ITPR1: variants seen among roughly 807,000 people sequenced by gnomAD.
The protein encoded by ITPR1 is inositol 1,4,5-trisphosphate receptor type 1, also known as inositol 1,4,5-trisphosphate-gated calcium channel ITPR1.
A neutral mutation model predicts 318.4 loss-of-function variants in ITPR1; 96 were observed. That is an observed-to-expected ratio of 0.30 (90% confidence interval 0.26 to 0.36). ITPR1 has a LOEUF of 0.36. ITPR1 is among the 10% of genes least tolerant of loss of function. ITPR1 has a pLI of 1.00. For missense variants in ITPR1, 2,440 were observed against 3,460.2 expected, an observed-to-expected ratio of 0.71 and a Z score of 7.40; for synonymous variants, 1,312 against 1,289.9, an observed-to-expected ratio of 1.02 and a Z score of -0.37.
At chr3:4,655,192 G>A (rs2093678818) in intron 12 of ITPR1, among the ~76,000 whole-genome samples, 1 of 152,172 alleles carries the variant, frequency 6.6e-6, no homozygotes, top group African/African-American at 2.4e-5. Context: ...TTTATTTCAA[G>A]AGAAGGAGCT....
chr3:4,555,812 G>A (rs1234229931), intron 4 of ITPR1, among the ~76,000 whole-genome samples: 1 of 152,154 alleles, frequency 6.6e-6, no homozygotes, highest in Admixed American at 6.5e-5. Context: ...TCTAAATGCT[G>A]TACAAGTATT....
At chr3:4,832,083 C>T (rs2106534292) in intron 60 of ITPR1, among the ~76,000 whole-genome samples, 1 of 152,260 alleles carries the variant, frequency 6.6e-6, no homozygotes, top group African/African-American at 2.4e-5. Context: ...TTTCACAGCC[C>T]AGGATGATTA....
At chr3:4,718,374 C>T (rs2041919344) in intron 40 of ITPR1, among the ~76,000 whole-genome samples, 1 of 152,204 alleles carries the variant, frequency 6.6e-6, no homozygotes, top group African/African-American at 2.4e-5. Flanking sequence ...TGAGATAGAG[C>T]TACCAAATAG....
At chr3:4,822,484 G>A (rs968602138) in intron 60 of ITPR1, among the ~76,000 whole-genome samples, 4 of 152,204 alleles carry the variant, frequency 2.6e-5, no homozygotes, top group Admixed American at 2.6e-4. Context: ...GGGCATGGTT[G>A]ACGTTAGCGT....
intron 59 of ITPR1, among the ~76,000 whole-genome samples, chr3:4,817,241 G>T (rs1472019884): frequency 6.6e-6 from 1 of 152,212 alleles, no homozygotes; most frequent in Non-Finnish European, 1.5e-5. Flanking sequence ...CTGGAGAAAG[G>T]TATTTAGAAG....
chr3:4,734,838 T>C (rs2125320635), intron 43 of ITPR1, among the ~76,000 whole-genome samples: 1 of 152,378 alleles, frequency 6.6e-6, no homozygotes, highest in African/African-American at 2.4e-5. Flanking sequence ...AGTTCTGAAC[T>C]CTGCCACAAG....
intron 5 of ITPR1, among the ~76,000 whole-genome samples, chr3:4,634,820 C>A (rs530349232): frequency 6.6e-6 from 1 of 152,258 alleles, no homozygotes; most frequent in East Asian, 1.9e-4. Context: ...CTCACTGCAA[C>A]CTCCACCTCC....
intron 14 of ITPR1, 97 bp from the exon 15 acceptor site, chr3:4,661,985 C>A: frequency 9.5e-7 from 1 of 1,049,144 alleles, no homozygotes; most frequent in Non-Finnish European, 1.4e-6. Context: ...GCTCTAGTAT[C>A]TTGGGATCAG....
rs184957557 is a variant in ITPR1, at chr3:4,606,631, G to A, written c.164-21132G>A. Among the ~76,000 whole-genome samples, 14 of 152,162 alleles carry A rather than the reference G, an allele frequency of 9.2e-5. No individual in the cohort carries two copies. In the East Asian group the frequency reaches 1.7e-3, roughly 19 times the overall value. On this transcript the variant is annotated intron_variant, in intron 4 of 61. Transcript: ENST00000649015. ...TTGCAAGGGAAAAGGAGCAGGTAGC[G>A]GAATGTTAATTATGTATTCGTCTCA...
chr3:4,633,811 C>G (rs2093093284), intron 5 of ITPR1, among the ~76,000 whole-genome samples: 1 of 152,238 alleles, frequency 6.6e-6, no homozygotes, highest in Admixed American at 6.5e-5. Context: ...ACTTAAGTCA[C>G]AGCTTTGACC....
At chr3:4,748,462 A>G (rs1224003683) in intron 44 of ITPR1, among the ~76,000 whole-genome samples, 1 of 151,928 alleles carries the variant, frequency 6.6e-6, no homozygotes, top group Admixed American at 6.6e-5. Context: ...TTTAATAACA[A>G]TGCATGAGCT....
chr3:4,837,053 GC>G, intron 61 of ITPR1, 118 bp downstream of exon 61: 1 of 932,988 alleles, frequency 1.1e-6, no homozygotes, highest in Non-Finnish European at 1.5e-6. Context: ...GGAAAAGGGA[GC>G]CAGGCAACAG....
At chr3:4,732,013 A>G (rs542597042) in intron 42 of ITPR1, among the ~76,000 whole-genome samples, 8 of 152,250 alleles carry the variant, frequency 5.3e-5, no homozygotes, top group Non-Finnish European at 1.0e-4. Flanking sequence ...TACCAGAGGA[A>G]CTCCGTGACT....
intron 18 of ITPR1, 115 bp from the exon 19 acceptor site, chr3:4,669,539 G>T: frequency 4.1e-6 from 4 of 965,018 alleles, no homozygotes; most frequent in Non-Finnish European, 5.9e-6. Flanking sequence ...TTAGAATGCT[G>T]CTGACATGTC....
At chr3:4,558,627 A>G (rs193044508) in intron 4 of ITPR1, among the ~76,000 whole-genome samples, 2 of 152,308 alleles carry the variant, frequency 1.3e-5, no homozygotes, top group Admixed American at 6.5e-5. Context: ...AGGCAAGGAA[A>G]TAGCAGTTTA....
At chr3:4,669,609 C>G in intron 18 of ITPR1, 45 bp from the exon 19 acceptor site, 1 of 1,561,256 alleles carries the variant, frequency 6.4e-7, no homozygotes, top group Non-Finnish European at 8.7e-7. Flanking sequence ...GGAGCCTAAC[C>G]TCTGCTCTAT....
intron 2 of ITPR1, among the ~76,000 whole-genome samples, chr3:4,503,138 T>C (rs1405081136): frequency 1.3e-5 from 2 of 149,114 alleles, no homozygotes; most frequent in Non-Finnish European, 1.5e-5. Flanking sequence ...GTGAGGACCA[T>C]GTAGAGATAT....
chr3:4,700,380 G>T (rs994432877), intron 35 of ITPR1, among the ~76,000 whole-genome samples: 1 of 152,210 alleles, frequency 6.6e-6, no homozygotes, highest in South Asian at 2.1e-4. Context: ...TCTATCCCTT[G>T]TACCTGGCAT....
intron 4 of ITPR1, among the ~76,000 whole-genome samples, chr3:4,607,633 G>C (rs901022273): frequency 6.6e-6 from 1 of 152,006 alleles, no homozygotes; most frequent in Non-Finnish European, 1.5e-5. Flanking sequence ...TTCAAAGGTT[G>C]GTTGGGGAAA....
Sources: allele counts gnomAD v4.1 joint callset (sites outside exome capture counted in the v4.1 genomes callset), GRCh38; gene constraint gnomAD v4.1.1; transcripts MANE v1.5; gene names NCBI Gene and HGNC (gene_info 2026-07-23, HGNC 2026-07-21).